Variants in SWAP70 observed in about 807,000 individuals in gnomAD.
SWAP70 encodes the protein switching B cell complex subunit SWAP70.
SWAP70 carries 34 observed loss-of-function variants against 80.2 expected under a neutral mutation model. The ratio of observed to expected loss-of-function variants is 0.42; its 90% confidence interval spans 0.32 to 0.56. The LOEUF (loss-of-function observed/expected upper bound fraction) is 0.56, where lower values mean the gene tolerates loss of function less well. Among genes scored for constraint, SWAP70 ranks in the 20% least tolerant of loss-of-function variants. The pLI is 0.09. For synonymous variants in SWAP70, 239 were observed against 238.5 expected (o/e 1.00, Z -0.02); for missense variants, 578 against 690.7 (o/e 0.84, Z 1.83).
chr11:9,704,511 C>A (rs890375072), intron 2 of SWAP70, among the ~76,000 whole-genome samples: 42 of 152,134 alleles, frequency 2.8e-4, no homozygotes, highest in African/African-American at 1.0e-3. Context: ...TCTCATGCCT[C>A]AGCCTCCTGA....
chr11:9,745,118 C>T (rs1851495826), intron 9 of SWAP70, among the ~76,000 whole-genome samples: 1 of 152,140 alleles, frequency 6.6e-6, no homozygotes, highest in Non-Finnish European at 1.5e-5. Flanking sequence ...ACAACAGTCC[C>T]TCTTACATTT....
chr11:9,685,842 C>T (rs1387124170), intron 1 of SWAP70, among the ~76,000 whole-genome samples: 1 of 152,126 alleles, frequency 6.6e-6, no homozygotes, highest in Non-Finnish European at 1.5e-5. Context: ...CCATGTTGGC[C>T]AGGATGGCCT....
intron 2 of SWAP70, among the ~76,000 whole-genome samples, chr11:9,709,203 C>T (rs1850962512): frequency 6.6e-6 from 1 of 152,090 alleles, no homozygotes; most frequent in Non-Finnish European, 1.5e-5. Flanking sequence ...GCCTTCATTG[C>T]AGCCTCCACC....
At chr11:9,703,463 G>A (rs559321156) in intron 2 of SWAP70, 37 of 456,190 alleles carry the variant, frequency 8.1e-5, no homozygotes, top group Admixed American at 2.3e-4. Context: ...GGCCAACTCC[G>A]CCCATCAAAT....
chr11:9,710,392 C>T (rs1235748477), intron 2 of SWAP70, among the ~76,000 whole-genome samples: 4 of 151,942 alleles, frequency 2.6e-5, no homozygotes, highest in Non-Finnish European at 5.9e-5. Flanking sequence ...TTTGATGGGG[C>T]CGTGGGAAAT....
rs368671747 is a variant in SWAP70 at position 9,699,741 on chromosome 11, A to G, written c.240+5455A>G. Among the ~76,000 whole-genome samples, 5 of 152,098 alleles carry G rather than the reference A, an allele frequency of 3.3e-5. No individual in the cohort carries two copies. The South Asian group carries it at 6.2e-4, about 19-fold the overall frequency. On this transcript the variant is annotated intron_variant, in intron 2 of 11. Transcript: ENST00000318950. ...CTTGGTGGCACATGCCTGTAGTCCT[A>G]ACTACTTGAGAGACTGAGGTGGGAG...
chr11:9,700,804 A>G (rs1432260206), intron 2 of SWAP70, among the ~76,000 whole-genome samples: 1 of 152,130 alleles, frequency 6.6e-6, no homozygotes, highest in Non-Finnish European at 1.5e-5. Context: ...TTTAAAAGCC[A>G]TTTTGATTAC....
chr11:9,713,010 T>C (rs973019011), intron 2 of SWAP70, among the ~76,000 whole-genome samples: 3 of 152,318 alleles, frequency 2.0e-5, no homozygotes, highest in Non-Finnish European at 4.4e-5. Flanking sequence ...TCTTTGACCG[T>C]GTATGTAAAG....
chr11:9,674,566 G>A (rs967610900), intron 1 of SWAP70, among the ~76,000 whole-genome samples: 3 of 152,110 alleles, frequency 2.0e-5, no homozygotes, highest in African/African-American at 4.8e-5. Context: ...TGGACATGGT[G>A]GTGGGCACCT....
At chr11:9,681,939 G>T (rs1219141255) in intron 1 of SWAP70, among the ~76,000 whole-genome samples, 2 of 152,224 alleles carry the variant, frequency 1.3e-5, no homozygotes, top group Non-Finnish European at 2.9e-5. Context: ...GAGTTGGGGA[G>T]TAAGGAGAGT....
intron 10 of SWAP70, among the ~76,000 whole-genome samples, chr11:9,748,589 GTGGGTGTTC>G (rs1851542347): frequency 6.6e-6 from 1 of 152,256 alleles, no homozygotes; most frequent in Non-Finnish European, 1.5e-5. Flanking sequence ...GGTGAGCACT[GTGGGTGTTC>G]TGAGTGCCAC....
At chr11:9,722,179 C>G (rs192302288) in intron 3 of SWAP70, among the ~76,000 whole-genome samples, 1 of 152,280 alleles carries the variant, frequency 6.6e-6, no homozygotes, top group African/African-American at 2.4e-5. Flanking sequence ...TGTCTCATTT[C>G]ACCCCACAGC....
At chr11:9,714,455 C>T (rs991755584) in intron 3 of SWAP70, among the ~76,000 whole-genome samples, 1 of 152,212 alleles carries the variant, frequency 6.6e-6, no homozygotes, top group African/African-American at 2.4e-5. Flanking sequence ...ACTCTTAAGA[C>T]TACTCTTATT....
At chr11:9,744,386 A>T (rs2133818797) in intron 9 of SWAP70, among the ~76,000 whole-genome samples, 1 of 152,338 alleles carries the variant, frequency 6.6e-6, no homozygotes, top group African/African-American at 2.4e-5. Flanking sequence ...ACAATGTGTA[A>T]TAATCACATC....
At chr11:9,666,127 C>T (rs2134409595) in intron 1 of SWAP70, among the ~76,000 whole-genome samples, 1 of 150,582 alleles carries the variant, frequency 6.6e-6, no homozygotes, top group East Asian at 1.9e-4. Context: ...GCCCTGTTGC[C>T]CAGGCTGGAG....
At chr11:9,713,122 C>T (rs1485364392) in intron 2 of SWAP70, among the ~76,000 whole-genome samples, 2 of 152,132 alleles carry the variant, frequency 1.3e-5, no homozygotes, top group Non-Finnish European at 2.9e-5. Context: ...ATAGTGTATG[C>T]ACATGAAACT....
chr11:9,734,118 A>G (rs912178907), intron 7 of SWAP70, among the ~76,000 whole-genome samples: 2 of 152,206 alleles, frequency 1.3e-5, no homozygotes, highest in South Asian at 4.1e-4. Flanking sequence ...AAATGCTTCA[A>G]TGAGCATTTC....
intron 3 of SWAP70, among the ~76,000 whole-genome samples, chr11:9,722,733 G>A (rs896132666): frequency 3.3e-5 from 5 of 152,136 alleles, no homozygotes; most frequent in African/African-American, 9.7e-5. Context: ...AGGAAAATAT[G>A]GTAAGAGGGT....
intron 9 of SWAP70, among the ~76,000 whole-genome samples, chr11:9,744,357 GAT>G (rs199577633): frequency 0.045 from 6,814 of 152,212 alleles, 204 homozygotes; most frequent in Non-Finnish European, 0.065. Context: ...AGGTACATGA[GAT>G]ATTTTGATAC....
Sources: allele counts gnomAD v4.1 joint callset (sites outside exome capture counted in the v4.1 genomes callset), GRCh38; gene constraint gnomAD v4.1.1; transcripts MANE v1.5; gene names NCBI Gene and HGNC (gene_info 2026-07-23, HGNC 2026-07-21).